PSMD14: variants seen among roughly 807,000 people sequenced by gnomAD.
The protein encoded by PSMD14 is proteasome 26S subunit, non-ATPase 14, also known as ubiquitin C-terminal hydrolase PSMD14.
Under a neutral mutation model 41.2 loss-of-function variants are expected in PSMD14, and 7 were observed. The ratio of observed to expected loss-of-function variants is 0.17; its 90% confidence interval spans 0.10 to 0.32. PSMD14 has a LOEUF of 0.32. Among genes scored for constraint, PSMD14 ranks in the 10% least tolerant of loss-of-function variants. The pLI, the probability that PSMD14 is intolerant of heterozygous loss-of-function variation, is 1.00. For missense variants in PSMD14, 139 were observed against 375.6 expected (o/e 0.37, Z 5.21); for synonymous variants, 114 against 122.3 (o/e 0.93, Z 0.45).
chr2:161,348,208 C>G (rs1294288503), intron 3 of PSMD14, among the ~76,000 whole-genome samples: 1 of 152,180 alleles, frequency 6.6e-6, no homozygotes, highest in Non-Finnish European at 1.5e-5. Context: ...CACATGGATA[C>G]TGGGACATTC....
chr2:161,349,638 A>C (rs1286831426), intron 3 of PSMD14, among the ~76,000 whole-genome samples: 1 of 152,194 alleles, frequency 6.6e-6, no homozygotes, highest in African/African-American at 2.4e-5. Context: ...CAAACAAGTG[A>C]ATGCCAAACC....
At chr2:161,364,492 C>T (rs568914972) in intron 3 of PSMD14, among the ~76,000 whole-genome samples, 8 of 152,234 alleles carry the variant, frequency 5.3e-5, no homozygotes, top group African/African-American at 1.9e-4. Flanking sequence ...GGGCCACACC[C>T]TCCTCTACCC....
intron 3 of PSMD14, among the ~76,000 whole-genome samples, chr2:161,320,406 A>C (rs1357283816): frequency 6.6e-6 from 1 of 152,184 alleles, no homozygotes; most frequent in Non-Finnish European, 1.5e-5. Context: ...ATATCAAGTG[A>C]AAAACTTAAT....
chr2:161,360,685 T>C (rs1683277994), intron 3 of PSMD14, among the ~76,000 whole-genome samples: 1 of 152,040 alleles, frequency 6.6e-6, no homozygotes, highest in Non-Finnish European at 1.5e-5. Context: ...TGCAAGTACA[T>C]GCCACCACAC....
chr2:161,341,518 C>A (rs1682961146), intron 3 of PSMD14, among the ~76,000 whole-genome samples: 1 of 151,546 alleles, frequency 6.6e-6, no homozygotes, highest in African/African-American at 2.4e-5. Context: ...TTTTGAAGAC[C>A]AGAGTTTTTA....
At chr2:161,353,372 T>G (rs909453769) in intron 3 of PSMD14, among the ~76,000 whole-genome samples, 2 of 152,212 alleles carry the variant, frequency 1.3e-5, no homozygotes. Context: ...ACCTTGCTTA[T>G]TTGAAAAGTC....
At chr2:161,361,999 A>G (rs1376185111) in intron 3 of PSMD14, among the ~76,000 whole-genome samples, 1 of 151,788 alleles carries the variant, frequency 6.6e-6, no homozygotes, top group Non-Finnish European at 1.5e-5. Context: ...CTGTTGTTTT[A>G]CTGTCAGTAT....
chr2:161,332,629 G>A (rs1682810816), intron 3 of PSMD14, among the ~76,000 whole-genome samples: 1 of 152,152 alleles, frequency 6.6e-6, no homozygotes, highest in Non-Finnish European at 1.5e-5. Flanking sequence ...CTTTAATGAT[G>A]AGGTTTCAAG....
rs540743963 is a variant in PSMD14, at chr2:161,351,447, G to A, written c.49-16031G>A. Among the ~76,000 whole-genome samples the A allele has an allele frequency of 1.4e-4, 22 of 152,224 alleles. 1 individual carries two copies. In the South Asian group the frequency reaches 4.1e-3, roughly 29 times the overall value. ...TCTCAAAGTAGCCATATTATACTCT[G>A]TAAGTCCTCAAGTTTCCCATACCAT... On this transcript the variant is annotated intron_variant, in intron 3 of 11. Transcript: ENST00000409682.
At chr2:161,341,296 G>C (rs1193418798) in intron 3 of PSMD14, 8 of 1,020,772 alleles carry the variant, frequency 7.8e-6, no homozygotes, top group Non-Finnish European at 9.4e-6. Context: ...AGCGCAGGCA[G>C]CGCGGCCAGC....
intron 3 of PSMD14, among the ~76,000 whole-genome samples, chr2:161,345,286 A>G (rs1159192770): frequency 8.1e-6 from 1 of 123,216 alleles, no homozygotes; most frequent in African/African-American, 3.2e-5. Flanking sequence ...TCTGTCACCC[A>G]GGCTGGAGTG....
At chr2:161,411,103 C>T (rs1368959806) in intron 11 of PSMD14, among the ~76,000 whole-genome samples, 199 bp from the exon 12 acceptor site, 1 of 152,010 alleles carries the variant, frequency 6.6e-6, no homozygotes, top group Non-Finnish European at 1.5e-5. Context: ...ATTGTGTAAT[C>T]TATTATTTTA....
intron 9 of PSMD14, among the ~76,000 whole-genome samples, chr2:161,394,292 G>A (rs965269510): frequency 2.6e-5 from 4 of 151,978 alleles, no homozygotes; most frequent in Non-Finnish European, 5.9e-5. Flanking sequence ...TTTTATTTGA[G>A]AATAAAAGAT....
rs566103387 is a variant in PSMD14 at position 161,335,618 on chromosome 2, T to C, written c.48+16745T>C. On this transcript the variant is annotated intron_variant, in intron 3 of 11. Transcript: ENST00000409682. ...GACAAACCATGATTTACTTAATTAG[T>C]GCTCTACTGATATACACTTAGGTTG... Among the ~76,000 whole-genome samples, 16 of 152,360 alleles carry C rather than the reference T, an allele frequency of 1.1e-4. No individual in the cohort carries two copies. In the South Asian group the frequency reaches 3.3e-3, roughly 32 times the overall value.
At chr2:161,384,156 T>G (rs1447890412) in intron 7 of PSMD14, 1 of 151,660 alleles carries the variant, frequency 6.6e-6, no homozygotes, top group Non-Finnish European at 1.5e-5. Context: ...GAATGAATCT[T>G]TGGGAAAATG....
At chr2:161,403,553 A>G (rs1683910332) in intron 10 of PSMD14, among the ~76,000 whole-genome samples, 1 of 152,146 alleles carries the variant, frequency 6.6e-6, no homozygotes, top group Non-Finnish European at 1.5e-5. Flanking sequence ...TTAAAAATGC[A>G]AATTGGTTCA....
intron 1 of PSMD14, among the ~76,000 whole-genome samples, 180 bp from the exon 2 acceptor site, chr2:161,316,257 C>T (rs1429476457): frequency 6.6e-6 from 1 of 152,216 alleles, no homozygotes; most frequent in Non-Finnish European, 1.5e-5. Context: ...GGGTTAATCA[C>T]TGTGCTCTGT....
At chr2:161,369,766 T>C (rs1433818924) in intron 5 of PSMD14, among the ~76,000 whole-genome samples, 2 of 152,218 alleles carry the variant, frequency 1.3e-5, no homozygotes, top group South Asian at 4.1e-4. Flanking sequence ...TCATCAGTTA[T>C]GATAGGATGG....
chr2:161,340,029 T>C (rs1344560847), intron 3 of PSMD14, among the ~76,000 whole-genome samples: 3 of 152,218 alleles, frequency 2.0e-5, no homozygotes, highest in Non-Finnish European at 4.4e-5. Context: ...GATCTGAAGT[T>C]CTAACTAATC....
Sources: gnomAD v4.1 joint callset for allele counts (sites outside exome capture counted in the v4.1 genomes callset) on GRCh38, gnomAD v4.1.1 for gene constraint, MANE v1.5 for transcripts, NCBI Gene and HGNC (gene_info 2026-07-23, HGNC 2026-07-21) for gene names.